Variants in LIMA1 observed in about 807,000 individuals in gnomAD.
LIMA1 encodes LIM domain and actin binding 1.
LIMA1 carries 52 observed loss-of-function variants against 62.6 expected under a neutral mutation model. That is an observed-to-expected ratio of 0.83 (90% CI 0.67 to 1.05). LIMA1 has a LOEUF of 1.05. LIMA1 is among the 50% of genes least tolerant of loss of function. The pLI, the probability that LIMA1 is intolerant of heterozygous loss-of-function variation, is 0.00. For synonymous variants in LIMA1, 302 were observed against 317.8 expected (o/e 0.95, Z 0.53); for missense variants, 780 against 902.2 (o/e 0.86, Z 1.74).
intron 7 of LIMA1, among the ~76,000 whole-genome samples, chr12:50,200,365 G>A (rs973061889): frequency 3.3e-5 from 5 of 151,640 alleles, no homozygotes; most frequent in African/African-American, 9.7e-5. Flanking sequence ...CCCCACACCC[G>A]GCTTTTTATA....
At chr12:50,265,752 A>G (rs138815252) in intron 1 of LIMA1, among the ~76,000 whole-genome samples, 361 of 152,288 alleles carry the variant, frequency 2.4e-3, no homozygotes, top group African/African-American at 8.1e-3. Flanking sequence ...GTGAATTATA[A>G]AAAGGATAAG....
chr12:50,193,997 A>ATAT (rs1555204707), intron 8 of LIMA1, among the ~76,000 whole-genome samples: 2 of 140,370 alleles, frequency 1.4e-5, no homozygotes, highest in African/African-American at 5.3e-5. Flanking sequence ...ATATATATAT[A>ATAT]TTTTTTTTGA....
At chr12:50,233,871 C>T (rs7308692) in intron 2 of LIMA1, among the ~76,000 whole-genome samples, 99,596 of 152,020 alleles carry the variant, frequency 0.66, 34,635 homozygotes, top group East Asian at 0.9. Context: ...TTTAAAAGAT[C>T]ATACTATGTT....
chr12:50,179,796 A>G (rs1198817477), intron 10 of LIMA1, among the ~76,000 whole-genome samples: 1 of 151,214 alleles, frequency 6.6e-6, no homozygotes, highest in Non-Finnish European at 1.5e-5. Context: ...GCTGGAGTGC[A>G]ATGGTATGAT....
In LIMA1 at chr12:50,261,042, A is replaced by ATATATTTT. The variant is rs1383547189; in HGVS notation, c.-23-12269_-23-12268insAAAATATA. On this transcript the variant is annotated intron_variant, in intron 1 of 10. Transcript: ENST00000341247. The stretch of plus-strand genomic sequence containing the variant: ...CTTTTGCTTTTCTGCCATCTAGTAT[A>ATATATTTT]TTTTTTTTTTTTTTTTTTTTTTTTT... Among the ~76,000 whole-genome samples, 118 of 54,292 alleles carry ATATATTTT rather than the reference A, an allele frequency of 2.2e-3. 8 individuals are homozygous for ATATATTTT. The highest frequency in any genetic ancestry group is 3.0e-3 in the Non-Finnish European group (95 of 31,314). The allele number at this position is 54,292 out of a possible 152,430, so 35.6% of individuals were successfully genotyped here. A position where few individuals can be genotyped will look rare whatever the true frequency, so the allele number is the denominator to read the frequency against.
chr12:50,274,555 C>G (rs1315114465), intron 1 of LIMA1, among the ~76,000 whole-genome samples: 5 of 151,756 alleles, frequency 3.3e-5, no homozygotes, highest in African/African-American at 1.2e-4. Context: ...CCACTCCACC[C>G]TGGGTGACAG....
In LIMA1 at chr12:50,177,237, T is replaced by C. The variant is rs773655429; in HGVS notation, c.2107A>G (p.Lys703Glu). 5.6e-6 allele frequency: 9 copies of C among 1,614,088 alleles called. No homozygotes were observed. Among genetic ancestry groups the C allele is most frequent in the Middle Eastern group, 1.6e-4 (1 of 6,062 alleles). ...FLKQQSPQEP[K>E]SLNWSSFVDN... is the part of the protein sequence containing the mutation. ...ACAAAACTCGACCAATTCAGAGACT[T>C]GGGTTCTTGTGGAGATTGTTGTTTG... is the stretch of plus-strand genomic sequence containing the variant. The change falls in exon 11 of 11, where the codon AAG becomes GAG. Residue 703 changes from lysine to glutamate, a missense_variant. Transcript: ENST00000341247.
In LIMA1 at chr12:50,179,472, C is replaced by T. The variant is rs186586654; in HGVS notation, c.1275-1403G>A. Reference sequence around the variant, plus strand: ...TTTTTTTTTGAGACAGAGTCTCGCTCTGTCACCCAGGCTGGAGTGCAGTGA... The same window carrying T: ...TTTTTTTTTGAGACAGAGTCTCGCTTTGTCACCCAGGCTGGAGTGCAGTGA... On this transcript the variant is annotated intron_variant, in intron 10 of 10. Coordinates refer to ENST00000341247, the MANE Select transcript of LIMA1 (RefSeq NM_016357.5). 8.9e-5 allele frequency among the ~76,000 whole-genome samples: 13 copies of T among 146,082 alleles called. No homozygotes were observed. The Admixed American group carries it at 8.9e-4, about 10-fold the overall frequency.
chr12:50,232,056 T>C (rs1047226687), intron 2 of LIMA1, among the ~76,000 whole-genome samples: 2 of 145,570 alleles, frequency 1.4e-5, no homozygotes, highest in African/African-American at 2.6e-5. Context: ...TTTTTTTTTT[T>C]TTTTTTTTTT....
At chr12:50,199,898 A>AT (rs544020117) in intron 7 of LIMA1, among the ~76,000 whole-genome samples, 72 of 146,704 alleles carry the variant, frequency 4.9e-4, no homozygotes, top group Middle Eastern at 7.1e-3. Context: ...TCCCAAATAG[A>AT]TTTTTTTTTT....
At chr12:50,230,856 C>T (rs1286730726) in intron 3 of LIMA1, among the ~76,000 whole-genome samples, 1 of 152,212 alleles carries the variant, frequency 6.6e-6, no homozygotes, top group East Asian at 1.9e-4. Context: ...GGATTACAGG[C>T]GTGAGCCACC....
chr12:50,228,298 T>C (rs987771578), intron 3 of LIMA1, among the ~76,000 whole-genome samples: 1 of 152,190 alleles, frequency 6.6e-6, no homozygotes, highest in African/African-American at 2.4e-5. Flanking sequence ...TGATTGTCTA[T>C]ACTCGTGGGG....
At chr12:50,249,526 T>C (rs775935546) in intron 1 of LIMA1, among the ~76,000 whole-genome samples, 10 of 152,188 alleles carry the variant, frequency 6.6e-5, no homozygotes, top group South Asian at 2.1e-4. Flanking sequence ...AGAAGTATAA[T>C]GTACTTTAAG....
At chr12:50,255,731 A>AC (rs1941987802) in intron 1 of LIMA1, among the ~76,000 whole-genome samples, 1 of 151,660 alleles carries the variant, frequency 6.6e-6, no homozygotes. Flanking sequence ...GAAAAAAAAA[A>AC]ACTAAAAAAC....
chr12:50,274,506 T>C (rs1215332608), intron 1 of LIMA1, among the ~76,000 whole-genome samples: 1 of 151,666 alleles, frequency 6.6e-6, no homozygotes, highest in Non-Finnish European at 1.5e-5. Context: ...CTCTTGAACC[T>C]GGGAGTTGGA....
intron 9 of LIMA1, among the ~76,000 whole-genome samples, chr12:50,190,423 A>C (rs1316796011): frequency 6.7e-6 from 1 of 148,212 alleles, no homozygotes; most frequent in Non-Finnish European, 1.5e-5. Context: ...GCTGGAGTGC[A>C]ATGGCATAAT....
chr12:50,238,740 T>C (rs1941731411), intron 2 of LIMA1, among the ~76,000 whole-genome samples: 2 of 150,536 alleles, frequency 1.3e-5, no homozygotes, highest in African/African-American at 4.9e-5. Context: ...ATCCCAGCTA[T>C]TGAGGAGGCT....
chr12:50,231,653 C>T lies in LIMA1; in HGVS notation c.165+12G>A. On this transcript the variant is annotated intron_variant, in intron 3 of 10. Transcript: ENST00000341247. Reference sequence around the variant, plus strand: ...AGAAGTGCCACATGCCCTGGAATTTCTGAATACTTACACTTCTCTTCTTCT... The same window carrying T: ...AGAAGTGCCACATGCCCTGGAATTTTTGAATACTTACACTTCTCTTCTTCT... 2 of 1,613,680 alleles carry T rather than the reference C, an allele frequency of 1.2e-6. No homozygotes were observed. Among genetic ancestry groups the T allele is most frequent in the Non-Finnish European group, 1.7e-6 (2 of 1,179,576 alleles).
In LIMA1 at chr12:50,268,594, A is replaced by AATTATT. The variant is rs140101130; in HGVS notation, c.-24+14820_-24+14825dup. Among the ~76,000 whole-genome samples, 338 of 149,262 alleles carry AATTATT rather than the reference A, an allele frequency of 2.3e-3. 4 individuals carry two copies. Among genetic ancestry groups the AATTATT allele is most frequent in the African/African-American group, 2.9e-3 (119 of 40,448 alleles). Reference sequence around the variant, plus strand: ...CTTAATTCTTACACTGCCATGAAGCAATTATTATTATTATTATTATTATTG... The same window carrying AATTATT: ...CTTAATTCTTACACTGCCATGAAGCAATTATTATTATTATTATTATTATTATTATTG... On this transcript the variant is annotated intron_variant, in intron 1 of 10. Coordinates refer to ENST00000341247, the MANE Select transcript of LIMA1 (RefSeq NM_016357.5).
Sources: allele counts gnomAD v4.1 joint callset (sites outside exome capture counted in the v4.1 genomes callset), GRCh38; gene constraint gnomAD v4.1.1; transcripts MANE v1.5; gene names NCBI Gene and HGNC (gene_info 2026-07-23, HGNC 2026-07-21).